The following FRMD4A variants were observed in gnomAD, a reference collection of about 807,000 sequenced individuals.
FRMD4A encodes the protein FERM domain-containing protein 4A.
Under a neutral mutation model 129.1 loss-of-function variants are expected in FRMD4A, and 29 were observed. That is an observed-to-expected ratio of 0.22 (90% CI 0.17 to 0.31). The LOEUF (loss-of-function observed/expected upper bound fraction) is 0.31. Among genes scored for constraint, FRMD4A ranks in the 10% least tolerant of loss-of-function variants. The pLI, the probability that FRMD4A is intolerant of heterozygous loss-of-function variation, is 1.00. For missense variants in FRMD4A, 1,272 were observed against 1,375.8 expected, an observed-to-expected ratio of 0.92 and a Z score of 1.19; for synonymous variants, 634 against 571.6, an observed-to-expected ratio of 1.11 and a Z score of -1.56.
chr10:13,940,275 G>C (rs2095281222), intron 2 of FRMD4A, among the ~76,000 whole-genome samples: 1 of 152,174 alleles, frequency 6.6e-6, no homozygotes, highest in South Asian at 2.1e-4. Flanking sequence ...TTTTCCCATG[G>C]GCAGTCAACT....
At chr10:14,264,212 G>A (rs139411366) in intron 2 of FRMD4A, among the ~76,000 whole-genome samples, 269 of 152,230 alleles carry the variant, frequency 1.8e-3, no homozygotes, top group African/African-American at 5.9e-3. Context: ...TGAAGCAACC[G>A]CCTGAAATCC....
At chr10:13,960,808 AC>A (rs1472177302) in intron 2 of FRMD4A, among the ~76,000 whole-genome samples, 1 of 152,018 alleles carries the variant, frequency 6.6e-6, no homozygotes, top group African/African-American at 2.4e-5. Flanking sequence ...TCTTGGTCTG[AC>A]CCATAAAAAT....
At chr10:13,768,201 A>G (rs944838433) in intron 6 of FRMD4A, among the ~76,000 whole-genome samples, 5 of 152,108 alleles carry the variant, frequency 3.3e-5, no homozygotes, top group African/African-American at 1.2e-4. Flanking sequence ...AAGAGGCCTG[A>G]GGTCATTTAT....
chr10:13,811,111 A>T (rs1469907679), intron 3 of FRMD4A, among the ~76,000 whole-genome samples: 1 of 151,434 alleles, frequency 6.6e-6, no homozygotes, highest in Non-Finnish European at 1.5e-5. Flanking sequence ...ACAGATAGAG[A>T]CCTTCTGTTT....
At chr10:13,918,949 A>C (rs188600429) in intron 2 of FRMD4A, among the ~76,000 whole-genome samples, 1 of 151,788 alleles carries the variant, frequency 6.6e-6, no homozygotes, top group East Asian at 1.9e-4. Flanking sequence ...AAATGATTCT[A>C]TCTGATGTCT....
intron 2 of FRMD4A, among the ~76,000 whole-genome samples, chr10:14,198,422 G>A (rs532954825): frequency 6.6e-6 from 1 of 152,316 alleles, no homozygotes; most frequent in East Asian, 1.9e-4. Flanking sequence ...TACTGAAGGG[G>A]CCTAGGCAAT....
chr10:13,962,552 A>G (rs915158604), intron 2 of FRMD4A, among the ~76,000 whole-genome samples: 4 of 152,192 alleles, frequency 2.6e-5, no homozygotes, highest in Non-Finnish European at 5.9e-5. Context: ...TTTCAAGGGA[A>G]TAGCAGAGCA....
In FRMD4A at chr10:13,644,237, G is replaced by A. The variant is rs74564503; in HGVS notation, c.*2801C>T. ...AACAGGCAATTTCTTTTACGCATCC[G>A]AAGAATCCAATAGGGGCTTTATATC... On this transcript the variant is annotated 3_prime_UTR_variant, in exon 25 of 25. Coordinates refer to ENST00000357447, the MANE Select transcript of FRMD4A (RefSeq NM_018027.5). The A allele has an allele frequency of 3.9e-5, 6 of 152,272 alleles. No individual in the cohort carries two copies. Among genetic ancestry groups the A allele is most frequent in the East Asian group, 3.9e-4 (2 of 5,186 alleles). 9.4% of individuals were successfully genotyped at this position (152,272 alleles called of 1,614,324 possible).
intron 2 of FRMD4A, among the ~76,000 whole-genome samples, chr10:14,027,351 G>C (rs1470836820): frequency 6.6e-6 from 1 of 152,152 alleles, no homozygotes; most frequent in Non-Finnish European, 1.5e-5. Context: ...TTTAAAAACA[G>C]TCAATGCGGC....
intron 8 of FRMD4A, among the ~76,000 whole-genome samples, chr10:13,757,488 AAC>A (rs1274092562): frequency 1.3e-5 from 2 of 152,248 alleles, no homozygotes; most frequent in Admixed American, 1.3e-4. Context: ...CTATCTAGAT[AAC>A]AGTCATTTTC....
chr10:14,261,986 A>ACCCC (rs1461796403), intron 2 of FRMD4A, among the ~76,000 whole-genome samples: 1 of 139,100 alleles, frequency 7.2e-6, no homozygotes, highest in Non-Finnish European at 1.6e-5. Context: ...ACACACACAC[A>ACCCC]CCTCATTTTC....
At chr10:13,971,561 C>T (rs1041595022) in intron 2 of FRMD4A, 13 of 677,488 alleles carry the variant, frequency 1.9e-5, no homozygotes, top group South Asian at 1.2e-4. Flanking sequence ...TTCAGAGTCC[C>T]GAACACATGT....
At chr10:13,815,676 G>C (rs2093531005) in intron 3 of FRMD4A, among the ~76,000 whole-genome samples, 1 of 152,210 alleles carries the variant, frequency 6.6e-6, no homozygotes, top group African/African-American at 2.4e-5. Flanking sequence ...TCCAGGGTGA[G>C]AGCCTAAGGA....
At chr10:13,669,570 C>T (rs1051148661) in intron 17 of FRMD4A, among the ~76,000 whole-genome samples, 3 of 152,204 alleles carry the variant, frequency 2.0e-5, no homozygotes, top group East Asian at 3.8e-4. Context: ...TAAAAATGTA[C>T]AGCATTCCTT....
At chr10:13,931,527 C>A (rs2095194568) in intron 2 of FRMD4A, among the ~76,000 whole-genome samples, 1 of 152,152 alleles carries the variant, frequency 6.6e-6, no homozygotes, top group Admixed American at 6.5e-5. Context: ...AAAGACCTTC[C>A]TGACTCCCAG....
chr10:14,187,393 T>C (rs921600318), intron 2 of FRMD4A, among the ~76,000 whole-genome samples: 2 of 152,230 alleles, frequency 1.3e-5, no homozygotes, highest in African/African-American at 4.8e-5. Context: ...TCAACCTTGC[T>C]AATCTGATGT....
intron 2 of FRMD4A, among the ~76,000 whole-genome samples, chr10:13,999,652 A>C (rs896763766): frequency 3.3e-5 from 5 of 152,250 alleles, no homozygotes; most frequent in African/African-American, 4.8e-5. Flanking sequence ...AATGTAGGAA[A>C]ATGATCAGAA....
chr10:14,279,182 A>ATTTTTTTTTTTTTTTTTTTTT (rs1223887250), intron 2 of FRMD4A, among the ~76,000 whole-genome samples: 2 of 99,632 alleles, frequency 2.0e-5, no homozygotes, highest in African/African-American at 8.3e-5. Context: ...AGGAAGCGGG[A>ATTTTTTTTTTTTTTTTTTTTT]TTTTTTTTTT....
intron 2 of FRMD4A, among the ~76,000 whole-genome samples, chr10:13,922,375 T>C (rs1230110018): frequency 6.6e-6 from 1 of 152,154 alleles, no homozygotes. Flanking sequence ...AGTACATGTA[T>C]TATGGCAAGT....
Sources: allele counts gnomAD v4.1 joint callset (sites outside exome capture counted in the v4.1 genomes callset), GRCh38; gene constraint gnomAD v4.1.1; transcripts MANE v1.5; gene names NCBI Gene and HGNC (gene_info 2026-07-23, HGNC 2026-07-21).